SNTG1: variants seen among roughly 807,000 people sequenced by gnomAD.
The protein encoded by SNTG1 is syntrophin gamma 1.
SNTG1 carries 39 observed loss-of-function variants against 74.7 expected under a neutral mutation model. The ratio of observed to expected loss-of-function variants is 0.52; its 90% CI spans 0.40 to 0.68. The LOEUF (loss-of-function observed/expected upper bound fraction) is 0.68, where lower values mean the gene tolerates loss of function less well. SNTG1 is among the 30% of genes least tolerant of loss of function. SNTG1 has a pLI of 0.00. For synonymous variants in SNTG1, 254 were observed against 217.1 expected (o/e 1.17, Z -1.49); for missense variants, 685 against 609.5 (o/e 1.12, Z -1.30).
At chr8:49,982,752 A>G (rs983500061) in intron 1 of SNTG1, among the ~76,000 whole-genome samples, 3 of 152,078 alleles carry the variant, frequency 2.0e-5, no homozygotes, top group African/African-American at 7.2e-5. Flanking sequence ...TATAGTTTAG[A>G]TCATTCCTAG....
intron 2 of SNTG1, among the ~76,000 whole-genome samples, chr8:50,357,775 T>C (rs1270415719): frequency 6.6e-6 from 1 of 152,180 alleles, no homozygotes; most frequent in Non-Finnish European, 1.5e-5. Context: ...TAAAGTAATT[T>C]TATCTTGTGT....
intron 1 of SNTG1, among the ~76,000 whole-genome samples, chr8:50,106,838 A>G (rs1357825059): frequency 6.6e-6 from 1 of 152,176 alleles, no homozygotes; most frequent in East Asian, 1.9e-4. Context: ...TATAGACTCA[A>G]TTCTATATTT....
At chr8:50,698,870 A>G (rs578089422) in intron 15 of SNTG1, among the ~76,000 whole-genome samples, 20 of 152,222 alleles carry the variant, frequency 1.3e-4, no homozygotes, top group Admixed American at 1.2e-3. Flanking sequence ...GACCACAGAA[A>G]GATACTCACT....
chr8:50,657,857 C>CATGT (rs983065632), intron 14 of SNTG1, among the ~76,000 whole-genome samples: 4 of 152,118 alleles, frequency 2.6e-5, no homozygotes, highest in Admixed American at 2.0e-4. Flanking sequence ...CTTTTGGAAA[C>CATGT]ATGTACCTTG....
chr8:50,781,126 A>G (rs1159831192), intron 18 of SNTG1, among the ~76,000 whole-genome samples: 1 of 152,146 alleles, frequency 6.6e-6, no homozygotes, highest in Non-Finnish European at 1.5e-5. Flanking sequence ...ACTTCCAACT[A>G]TGTGGTCAAT....
At chr8:50,730,285 C>T (rs2095509878) in intron 17 of SNTG1, among the ~76,000 whole-genome samples, 3 of 152,118 alleles carry the variant, frequency 2.0e-5, no homozygotes, top group Middle Eastern at 3.4e-3. Flanking sequence ...TTGAGTGAGG[C>T]CGAGGGGATG....
chr8:50,075,025 A>G (rs1331211855), intron 1 of SNTG1, among the ~76,000 whole-genome samples: 2 of 152,312 alleles, frequency 1.3e-5, no homozygotes, highest in South Asian at 2.1e-4. Context: ...TGCAGAGGGT[A>G]CACTGGGTCC....
intron 18 of SNTG1, among the ~76,000 whole-genome samples, chr8:50,777,826 A>G (rs930734825): frequency 2.6e-5 from 4 of 152,052 alleles, no homozygotes; most frequent in Non-Finnish European, 5.9e-5. Flanking sequence ...AGCATTAGGT[A>G]TATCTCCTAA....
intron 2 of SNTG1, among the ~76,000 whole-genome samples, chr8:50,310,458 G>C (rs908341643): frequency 9.9e-5 from 15 of 152,136 alleles, no homozygotes; most frequent in African/African-American, 3.6e-4. Flanking sequence ...GGAGGTCAAG[G>C]TGGATGGGTC....
intron 11 of SNTG1, among the ~76,000 whole-genome samples, chr8:50,539,398 C>T (rs2094330300): frequency 6.6e-6 from 1 of 152,112 alleles, no homozygotes; most frequent in Admixed American, 6.6e-5. Context: ...CTGCACCATG[C>T]TGACACCTGG....
chr8:50,130,734 A>C (rs542124189), intron 1 of SNTG1, among the ~76,000 whole-genome samples: 1 of 152,226 alleles, frequency 6.6e-6, no homozygotes, highest in South Asian at 2.1e-4. Flanking sequence ...GAAGTCTGAG[A>C]ATCAAAAATT....
chr8:50,034,521 C>T (rs1274848537), intron 1 of SNTG1, among the ~76,000 whole-genome samples: 1 of 151,964 alleles, frequency 6.6e-6, no homozygotes, highest in Admixed American at 6.6e-5. Context: ...AGAGGTTGCT[C>T]ACCAGGGTGG....
intron 8 of SNTG1, among the ~76,000 whole-genome samples, chr8:50,479,047 T>A (rs2093718814): frequency 6.6e-6 from 1 of 152,170 alleles, no homozygotes; most frequent in Non-Finnish European, 1.5e-5. Context: ...ATTACTATTA[T>A]TTCATAGATG....
At chr8:50,484,106 T>TTCTTTCTTTCTTTCTC (rs2093764464) in intron 8 of SNTG1, among the ~76,000 whole-genome samples, 1 of 72,384 alleles carries the variant, frequency 1.4e-5, no homozygotes, top group Non-Finnish European at 2.7e-5. Context: ...CTTTCTCTCT[T>TTCTTTCTTTCTTTCTC]TCTTTCTTTC....
At chr8:50,103,330 T>A (rs2080224261) in intron 1 of SNTG1, among the ~76,000 whole-genome samples, 1 of 152,238 alleles carries the variant, frequency 6.6e-6, no homozygotes, top group African/African-American at 2.4e-5. Context: ...CAATTGTGAA[T>A]AGGAGTTCAC....
chr8:49,932,366 T>C (rs1242058565), intron 1 of SNTG1, among the ~76,000 whole-genome samples: 1 of 152,054 alleles, frequency 6.6e-6, no homozygotes, highest in Non-Finnish European at 1.5e-5. Flanking sequence ...AAAATGTCAA[T>C]CTTAGAAAAA....
rs961015697 is a variant in SNTG1 at position 50,606,470 on chromosome 8, T to A, written c.849+15553T>A. 1.2e-4 allele frequency among the ~76,000 whole-genome samples: 18 copies of A among 152,104 alleles called. 1 individual carries two copies. The highest frequency in any genetic ancestry group is 1.0e-3 in the Admixed American group (16 of 15,266). On this transcript the variant is annotated intron_variant, in intron 13 of 18. Coordinates refer to ENST00000642720, the MANE Select transcript of SNTG1 (RefSeq NM_018967.5). ...ATATTGATTTAGTTTCCTGCATTAT[T>A]TCTAAAATGACTTCTAAGATGTAGG... is the stretch of plus-strand genomic sequence containing the variant.
At chr8:50,371,929 A>G (rs1428978294) in intron 2 of SNTG1, among the ~76,000 whole-genome samples, 1 of 152,134 alleles carries the variant, frequency 6.6e-6, no homozygotes, top group Non-Finnish European at 1.5e-5. Flanking sequence ...CAAAAAATAA[A>G]TCTCCTGTAG....
At chr8:50,094,781 T>C (rs2079866731) in intron 1 of SNTG1, among the ~76,000 whole-genome samples, 1 of 152,160 alleles carries the variant, frequency 6.6e-6, no homozygotes, top group Non-Finnish European at 1.5e-5. Context: ...AGAACTGCTA[T>C]TGGACCCAGC....
Sources: gnomAD v4.1 joint callset for allele counts (sites outside exome capture counted in the v4.1 genomes callset) on GRCh38, gnomAD v4.1.1 for gene constraint, MANE v1.5 for transcripts, NCBI Gene and HGNC (gene_info 2026-07-23, HGNC 2026-07-21) for gene names.